The following PDS5B variants were observed in gnomAD, a reference collection of about 807,000 sequenced individuals.
The protein encoded by PDS5B is sister chromatid cohesion protein PDS5 homolog B.
Under a neutral mutation model 184.1 loss-of-function variants are expected in PDS5B, and 51 were observed. The ratio of observed to expected loss-of-function variants is 0.28; its 90% confidence interval spans 0.22 to 0.35. The LOEUF is 0.35. PDS5B is among the 10% of genes least tolerant of loss of function. The probability of loss-of-function intolerance (pLI) is 1.00; values close to 1 mark genes in which losing one functional copy is unlikely to be tolerated. For missense variants in PDS5B, 1,180 were observed against 1,723.3 expected, an observed-to-expected ratio of 0.68 and a Z score of 5.58; for synonymous variants, 566 against 569.2, an observed-to-expected ratio of 0.99 and a Z score of 0.08.
intron 1 of PDS5B, among the ~76,000 whole-genome samples, chr13:32,608,785 G>A (rs2058099269): frequency 6.6e-6 from 1 of 152,204 alleles, no homozygotes. Context: ...GTTGGAGAAC[G>A]AGATTTGATA....
At chr13:32,656,834 C>A (rs1372133110) in intron 3 of PDS5B, among the ~76,000 whole-genome samples, 1 of 152,040 alleles carries the variant, frequency 6.6e-6, no homozygotes, top group African/African-American at 2.4e-5. Flanking sequence ...TGGGCTCAAG[C>A]CATCCACCCG....
intron 1 of PDS5B, among the ~76,000 whole-genome samples, chr13:32,625,561 A>T (rs1399037571): frequency 1.3e-5 from 2 of 151,904 alleles, no homozygotes; most frequent in Admixed American, 1.3e-4. Context: ...ATTTATCCTG[A>T]TGGGGTTTTG....
At chr13:32,625,129 C>G (rs2058351347) in intron 1 of PDS5B, among the ~76,000 whole-genome samples, 1 of 152,082 alleles carries the variant, frequency 6.6e-6, no homozygotes, top group Non-Finnish European at 1.5e-5. Flanking sequence ...TTTATTCATT[C>G]ATTTTGAGAC....
At chr13:32,692,587 AAGG>A (rs1951587113) in intron 13 of PDS5B, among the ~76,000 whole-genome samples, 1 of 151,746 alleles carries the variant, frequency 6.6e-6, no homozygotes. Flanking sequence ...GTTTGGTAAC[AAGG>A]AGATTTGTGG....
At chr13:32,765,802 A>G (rs745901315) in intron 31 of PDS5B, among the ~76,000 whole-genome samples, 1 of 152,200 alleles carries the variant, frequency 6.6e-6, no homozygotes, top group Non-Finnish European at 1.5e-5. Context: ...GGGTTTCACC[A>G]TGTTGGCCAG....
At chr13:32,591,569 C>T (rs778184780) in intron 1 of PDS5B, among the ~76,000 whole-genome samples, 2 of 152,022 alleles carry the variant, frequency 1.3e-5, no homozygotes, top group Non-Finnish European at 2.9e-5. Flanking sequence ...TTGAGTAGTA[C>T]TACGTTGTAA....
intron 1 of PDS5B, among the ~76,000 whole-genome samples, chr13:32,642,662 T>C (rs1218397299): frequency 6.6e-6 from 1 of 152,162 alleles, no homozygotes; most frequent in Non-Finnish European, 1.5e-5. Flanking sequence ...TGTTGTCTCT[T>C]TATTTTTTCC....
intron 20 of PDS5B, among the ~76,000 whole-genome samples, chr13:32,733,299 G>A (rs888369886): frequency 1.3e-5 from 2 of 152,178 alleles, no homozygotes; most frequent in Admixed American, 1.3e-4. Flanking sequence ...CATTTGGTTG[G>A]CTGGCTTCCT....
intron 19 of PDS5B, among the ~76,000 whole-genome samples, chr13:32,728,259 A>C (rs867820860): frequency 6.6e-6 from 1 of 151,804 alleles, no homozygotes; most frequent in Admixed American, 6.6e-5. Context: ...AGCTCTTTTA[A>C]TGTCTACCCT....
intron 14 of PDS5B, among the ~76,000 whole-genome samples, chr13:32,695,288 AC>A (rs779327475): frequency 6.6e-6 from 1 of 151,862 alleles, no homozygotes; most frequent in Non-Finnish European, 1.5e-5. Flanking sequence ...ATTGAACATA[AC>A]CTTTTTTCTG....
chr13:32,590,452 A>G (rs2057757000), intron 1 of PDS5B, among the ~76,000 whole-genome samples: 1 of 152,196 alleles, frequency 6.6e-6, no homozygotes, highest in Non-Finnish European at 1.5e-5. Flanking sequence ...AGAGAGTAGG[A>G]TCTCTGCTGT....
Position 32,701,650 on chromosome 13 carries a change from C to T in PDS5B, c.1856+212C>T, listed in dbSNP as rs570488738. On this transcript the variant is annotated intron_variant, in intron 17 of 34. Transcript: ENST00000315596. ...TATATATATATACACTCATCTGTACCTGTATATTTGTTGTTATTCTTGTTA... is the reference window on the plus strand; with the variant it reads ...TATATATATATACACTCATCTGTACTTGTATATTTGTTGTTATTCTTGTTA... Among the ~76,000 whole-genome samples the T allele has an allele frequency of 5.3e-5, 8 of 151,904 alleles. No individual in the cohort carries two copies. The East Asian group carries it at 1.5e-3, about 29-fold the overall frequency.
intron 1 of PDS5B, among the ~76,000 whole-genome samples, chr13:32,609,347 G>T (rs544378325): frequency 3.9e-4 from 59 of 152,010 alleles, no homozygotes; most frequent in Non-Finnish European, 4.6e-4. Flanking sequence ...TATATACAGA[G>T]ATTTTTTTTT....
At chr13:32,682,017 A>G (rs1012650280) in intron 10 of PDS5B, among the ~76,000 whole-genome samples, 1 of 152,214 alleles carries the variant, frequency 6.6e-6, no homozygotes, top group Admixed American at 6.5e-5. Flanking sequence ...CAGAGATAAC[A>G]TGCCTCCACA....
chr13:32,753,229 CT>C, intron 24 of PDS5B, 102 bp from the exon 25 acceptor site: 1 of 814,914 alleles, frequency 1.2e-6, no homozygotes, highest in Non-Finnish European at 2.0e-6. Context: ...TGTAGATAAA[CT>C]TGCTACTGTT....
At chr13:32,689,659 A>G (rs1951491505) in intron 13 of PDS5B, 1 of 152,220 alleles carries the variant, frequency 6.6e-6, no homozygotes, top group South Asian at 2.1e-4. Context: ...AGAGGGAGCC[A>G]GGATTCGCAC....
At chr13:32,714,169 G>A (rs1054996622) in intron 19 of PDS5B, among the ~76,000 whole-genome samples, 4 of 152,224 alleles carry the variant, frequency 2.6e-5, no homozygotes, top group Non-Finnish European at 5.9e-5. Context: ...AAGGCAAGTG[G>A]AGGCAGGATG....
In PDS5B at chr13:32,688,444, G is replaced by C. The variant is rs774799812; in HGVS notation, c.1356-12G>C. The C allele has an allele frequency of 1.4e-6, 2 of 1,401,408 alleles. No individual in the cohort carries two copies. Among genetic ancestry groups the C allele is most frequent in the Non-Finnish European group, 2.0e-6 (2 of 1,007,936 alleles). 86.8% of individuals were successfully genotyped at this position (1,401,408 alleles called of 1,614,324 possible). On this transcript the variant is annotated splice_polypyrimidine_tract_variant and intron_variant, in intron 12 of 34. Coordinates refer to ENST00000315596, the MANE Select transcript of PDS5B (RefSeq NM_015032.4). ...AAAAAATCAATACAATGCCTTCTCT[G>C]CTTTTTTGTAGACTACTTGTTGAAC...
chr13:32,681,770 G>A (rs868357618), intron 10 of PDS5B, among the ~76,000 whole-genome samples: 4 of 151,372 alleles, frequency 2.6e-5, no homozygotes, highest in African/African-American at 9.7e-5. Context: ...CACTTTATCC[G>A]TGTGAACCTT....
Sources: gnomAD v4.1 joint callset for allele counts (sites outside exome capture counted in the v4.1 genomes callset) on GRCh38, gnomAD v4.1.1 for gene constraint, MANE v1.5 for transcripts, NCBI Gene and HGNC (gene_info 2026-07-23, HGNC 2026-07-21) for gene names.